Variants in PIWIL4 observed in about 807,000 individuals in gnomAD.
PIWIL4 encodes piwi-like protein 4.
PIWIL4 carries 50 observed loss-of-function variants against 100.9 expected under a neutral mutation model. The ratio of observed to expected loss-of-function variants is 0.50; its 90% CI spans 0.39 to 0.63. The LOEUF (loss-of-function observed/expected upper bound fraction) is 0.63, where lower values mean the gene tolerates loss of function less well. PIWIL4 is among the 20% of genes least tolerant of loss of function. The pLI is 0.00. For missense variants in PIWIL4, 887 were observed against 1,043.3 expected, an observed-to-expected ratio of 0.85 and a Z score of 2.06; for synonymous variants, 342 against 367.5, an observed-to-expected ratio of 0.93 and a Z score of 0.79.
intron 15 of PIWIL4, among the ~76,000 whole-genome samples, chr11:94,616,146 CA>C (rs1948843349): frequency 6.6e-6 from 1 of 151,998 alleles, no homozygotes; most frequent in South Asian, 2.1e-4. Flanking sequence ...TAATTTTTAC[CA>C]CAACCCTATG....
In PIWIL4 at chr11:94,595,407, C is replaced by T. The variant is rs751649322; in HGVS notation, c.1249C>T (p.Leu417Phe). 6.2e-7 allele frequency: 1 copy of T among 1,613,510 alleles called. No homozygotes were observed. Reference sequence around the variant, plus strand: ...AGGCCGGCAGCAGCGCCTGGCCAGGCTTGTGGACAACATCCAGAGGTACTG... The same window carrying T: ...AGGCCGGCAGCAGCGCCTGGCCAGGTTTGTGGACAACATCCAGAGGTACTG... Reference protein sequence around the residue: ...PSGRQQRLARLVDNIQRNTNA... With the variant: ...PSGRQQRLARFVDNIQRNTNA... The change falls in exon 10 of 20, where the codon CTT becomes TTT. Residue 417 changes from leucine (L) to phenylalanine (F), a missense_variant. Around this residue, in one of 2 missense-constraint regions of PIWIL4, gnomAD observed 741 missense variants for 930.0 expected, o/e 0.80. Coordinates refer to ENST00000299001, the MANE Select transcript of PIWIL4 (RefSeq NM_152431.3).
chr11:94,618,698 G>A (rs759012256), intron 17 of PIWIL4, among the ~76,000 whole-genome samples: 2 of 152,204 alleles, frequency 1.3e-5, no homozygotes, highest in Non-Finnish European at 2.9e-5. Context: ...GTTGGAAATG[G>A]AAAATAGGAG....
intron 2 of PIWIL4, among the ~76,000 whole-genome samples, chr11:94,570,922 A>C (rs1174756111): frequency 2.6e-5 from 4 of 152,116 alleles, no homozygotes; most frequent in South Asian, 2.1e-4. Flanking sequence ...AACAAACAAA[A>C]AAAACAATTT....
At chr11:94,574,932 AT>A in intron 2 of PIWIL4, 66 bp from the exon 3 acceptor site, 1 of 1,488,356 alleles carries the variant, frequency 6.7e-7, no homozygotes, top group East Asian at 2.3e-5. Flanking sequence ...CATTTTTGAC[AT>A]AGTAGTTGCA....
At chr11:94,595,560 G>A (rs781364508) in intron 10 of PIWIL4, 134 bp downstream of exon 10, 2 of 712,524 alleles carry the variant, frequency 2.8e-6, no homozygotes, top group East Asian at 2.6e-5. Flanking sequence ...GAATTGTGCT[G>A]TCCACAGCCC....
chr11:94,618,806 C>A (rs1565285845), intron 17 of PIWIL4, among the ~76,000 whole-genome samples: 1 of 152,228 alleles, frequency 6.6e-6, no homozygotes, highest in Non-Finnish European at 1.5e-5. Flanking sequence ...TCATCATCAT[C>A]ACCATCAACC....
intron 11 of PIWIL4, among the ~76,000 whole-genome samples, chr11:94,601,192 A>G (rs1948634603): frequency 6.6e-6 from 1 of 152,058 alleles, no homozygotes; most frequent in South Asian, 2.1e-4. Context: ...ATGTTTAAAC[A>G]CTGCAGTAAA....
At chr11:94,596,106 A>T (rs1948554926) in intron 10 of PIWIL4, among the ~76,000 whole-genome samples, 1 of 152,152 alleles carries the variant, frequency 6.6e-6, no homozygotes, top group Non-Finnish European at 1.5e-5. Flanking sequence ...GTTAAATAAC[A>T]TATATTTAAA....
rs1484599137 is a variant in PIWIL4, at chr11:94,593,621, C to T, written c.1130C>T (p.Pro377Leu). 2 of 1,613,924 alleles carry T rather than the reference C, an allele frequency of 1.2e-6. No homozygotes were observed. Among genetic ancestry groups the T allele is most frequent in the East Asian group, 2.2e-5 (1 of 44,882 alleles). ...NSEAQLAHLI[P>L]ELCFLTGLTD... ...GAGGCTCAGCTCGCCCACCTGATAC[C>T]TGAGCTCTGCTTTCTAACAGGTAAT... Residue 377 changes from proline to leucine, a missense_variant, in exon 9 of 20, where the codon CCT becomes CTT. This residue lies in a region of PIWIL4 where 741 missense variants were observed against 930.0 expected (regional missense o/e 0.80). Transcript: ENST00000299001.
rs559890693 is a variant in PIWIL4 at position 94,577,614 on chromosome 11, A to G, written c.513+122A>G. On this transcript the variant is annotated intron_variant, in intron 4 of 19. Coordinates refer to ENST00000299001, the MANE Select transcript of PIWIL4 (RefSeq NM_152431.3). ...AAAGGTTTGTGGAAAAATAGAATTA[A>G]AAGGTAAGAATTTAAAAAACTACCT... 8.5e-5 allele frequency: 72 copies of G among 843,796 alleles called. 1 individual carries two copies. In the African/African-American group the frequency reaches 1.0e-3, roughly 12 times the overall value. 52.3% of individuals were successfully genotyped at this position (843,796 alleles called of 1,614,324 possible).
chr11:94,590,027 A>C (rs778305867), intron 8 of PIWIL4, among the ~76,000 whole-genome samples: 1 of 152,236 alleles, frequency 6.6e-6, no homozygotes, highest in Non-Finnish European at 1.5e-5. Flanking sequence ...TCTTTTTGAA[A>C]GCACCTTCTC....
At chr11:94,569,513 G>T (rs375360512) in intron 2 of PIWIL4, among the ~76,000 whole-genome samples, 65 of 152,230 alleles carry the variant, frequency 4.3e-4, no homozygotes, top group African/African-American at 1.5e-3. Context: ...CAAGTAGCTG[G>T]GATTACAGGC....
At chr11:94,568,600 G>A in intron 1 of PIWIL4, 130 bp from the exon 2 acceptor site, 1 of 664,728 alleles carries the variant, frequency 1.5e-6, no homozygotes, top group Non-Finnish European at 2.7e-6. Flanking sequence ...ATCTCTCAAG[G>A]GTTTTACCTG....
At chr11:94,615,581 A>G (rs1948836574) in intron 15 of PIWIL4, among the ~76,000 whole-genome samples, 1 of 152,168 alleles carries the variant, frequency 6.6e-6, no homozygotes, top group Non-Finnish European at 1.5e-5. Flanking sequence ...TGTTGGCAGC[A>G]TTCCTAATTG....
chr11:94,581,467 A>G (rs1457207428), intron 4 of PIWIL4, among the ~76,000 whole-genome samples: 1 of 152,216 alleles, frequency 6.6e-6, no homozygotes, highest in Non-Finnish European at 1.5e-5. Flanking sequence ...TTGCTCATTC[A>G]GGTTTAGCTA....
At chr11:94,574,898 A>G (rs1565269425) in intron 2 of PIWIL4, 101 bp from the exon 3 acceptor site, 1 of 1,266,102 alleles carries the variant, frequency 7.9e-7, no homozygotes, top group East Asian at 2.5e-5. Flanking sequence ...ACTGTATTCA[A>G]AACCACAAGT....
chr11:94,571,282 ATTC>A (rs911431021), intron 2 of PIWIL4, among the ~76,000 whole-genome samples: 4 of 151,730 alleles, frequency 2.6e-5, no homozygotes, highest in African/African-American at 9.7e-5. Flanking sequence ...AAAATTTTTT[ATTC>A]TTATTTATTT....
intron 7 of PIWIL4, among the ~76,000 whole-genome samples, chr11:94,588,746 G>A (rs1336395103): frequency 6.6e-6 from 1 of 152,174 alleles, no homozygotes; most frequent in African/African-American, 2.4e-5. Flanking sequence ...AAACTACCTG[G>A]GAGGTCAGAA....
chr11:94,579,942 A>G (rs935998018), intron 4 of PIWIL4, among the ~76,000 whole-genome samples: 1 of 152,190 alleles, frequency 6.6e-6, no homozygotes, highest in African/African-American at 2.4e-5. Context: ...AAATTATTAA[A>G]TACTACCCTT....
Sources: gnomAD v4.1 joint callset for allele counts (sites outside exome capture counted in the v4.1 genomes callset) on GRCh38, gnomAD v4.1.1 for gene constraint, gnomAD v4.1.1 regional missense constraint, MANE v1.5 for transcripts, NCBI Gene and HGNC (gene_info 2026-07-23, HGNC 2026-07-21) for gene names.